Variants in NOL4L observed in about 807,000 individuals in gnomAD.
The protein encoded by NOL4L is nucleolar protein 4 like, also known as nucleolar protein 4-like.
NOL4L carries 7 observed loss-of-function variants against 64.5 expected under a neutral mutation model. The ratio of observed to expected loss-of-function variants is 0.11; its 90% CI spans 0.06 to 0.20. The LOEUF is 0.20. NOL4L is among the 10% of genes least tolerant of loss of function. The pLI is 1.00. For missense variants in NOL4L, 680 were observed against 967.1 expected (o/e 0.70, Z 3.94); for synonymous variants, 413 against 401.0 (o/e 1.03, Z -0.36).
intron 4 of NOL4L, among the ~76,000 whole-genome samples, chr20:32,504,955 C>T (rs1313128860): frequency 3.3e-5 from 5 of 152,214 alleles, no homozygotes; most frequent in African/African-American, 1.2e-4. Flanking sequence ...CAGCAGGAGA[C>T]AAGGCCATGT....
At chr20:32,556,275 G>T (rs6119264) in intron 1 of NOL4L, among the ~76,000 whole-genome samples, 30 of 23,336 alleles carry the variant, frequency 1.3e-3, no homozygotes, top group African/African-American at 3.6e-3. Flanking sequence ...TTTCCTTTGT[G>T]GGGGGGGGGG....
intron 3 of NOL4L, among the ~76,000 whole-genome samples, chr20:32,517,173 C>T (rs293569): frequency 0.14 from 20,804 of 152,146 alleles, 2,095 homozygotes; most frequent in African/African-American, 0.28. Context: ...GGGGAGAGAC[C>T]GCTGAGCAAA....
At chr20:32,571,982 T>G (rs955366695) in intron 1 of NOL4L, among the ~76,000 whole-genome samples, 19 of 152,220 alleles carry the variant, frequency 1.2e-4, no homozygotes, top group Non-Finnish European at 2.2e-4. Flanking sequence ...CAGACCCTGC[T>G]TGTGCCTAAT....
chr20:32,511,091 C>A (rs572342556), intron 4 of NOL4L: 35 of 358,486 alleles, frequency 9.8e-5, no homozygotes, highest in Admixed American at 3.8e-4. Flanking sequence ...CCTCCTCCCC[C>A]TCCTCCCACG....
chr20:32,500,211 G>GT (rs1486199679), intron 4 of NOL4L, among the ~76,000 whole-genome samples: 1 of 152,108 alleles, frequency 6.6e-6, no homozygotes, highest in Admixed American at 6.6e-5. Context: ...CCCAGATCTT[G>GT]TTTTTTTGTT....
intron 4 of NOL4L, among the ~76,000 whole-genome samples, chr20:32,476,889 G>T (rs2015430671): frequency 6.6e-6 from 1 of 152,264 alleles, no homozygotes; most frequent in African/African-American, 2.4e-5. Flanking sequence ...GAGAAGTGAG[G>T]AGGGGAGCCC....
intron 3 of NOL4L, among the ~76,000 whole-genome samples, chr20:32,516,831 C>G (rs1187799534): frequency 6.6e-6 from 1 of 152,222 alleles, no homozygotes; most frequent in African/African-American, 2.4e-5. Flanking sequence ...GGGTGGAGAC[C>G]CAAGTGGACA....
intron 4 of NOL4L, among the ~76,000 whole-genome samples, chr20:32,494,250 C>CG (rs57081206): frequency 2.3e-3 from 205 of 87,606 alleles, no homozygotes; most frequent in Non-Finnish European, 2.6e-3. Flanking sequence ...GAGATAATCT[C>CG]GGGAAAAAAA....
rs545791458 is a variant in NOL4L, at chr20:32,459,634, C to T, written c.842-3239G>A. ...TCATGACCTCAGGCGATCCGCCCGC[C>T]TCAGCCTCCCAAAGTGCTGGGATTA... is the stretch of plus-strand genomic sequence containing the variant. On this transcript the variant is annotated intron_variant, in intron 5 of 10. Coordinates refer to ENST00000621426, the MANE Select transcript of NOL4L (RefSeq NM_001256798.2). 7.2e-5 allele frequency among the ~76,000 whole-genome samples: 11 copies of T among 152,332 alleles called. No individual in the cohort carries two copies. The East Asian group carries it at 1.2e-3, about 16-fold the overall frequency.
chr20:32,543,813 T>C (rs921187488), intron 1 of NOL4L, among the ~76,000 whole-genome samples: 1 of 151,478 alleles, frequency 6.6e-6, no homozygotes, highest in Non-Finnish European at 1.5e-5. Flanking sequence ...AAAAAAAAGA[T>C]ACCAGGGTCA....
At chr20:32,546,075 G>A (rs554148585) in intron 1 of NOL4L, among the ~76,000 whole-genome samples, 10 of 144,778 alleles carry the variant, frequency 6.9e-5, no homozygotes, top group Non-Finnish European at 1.5e-4. Context: ...CAGCCTCCCA[G>A]TAGCTGGGAT....
intron 4 of NOL4L, among the ~76,000 whole-genome samples, chr20:32,501,110 A>G (rs1276474569): frequency 1.3e-5 from 2 of 152,204 alleles, no homozygotes; most frequent in Non-Finnish European, 2.9e-5. Flanking sequence ...TTGACAGGAG[A>G]GAAACCTGAC....
At chr20:32,539,124 C>T (rs944827227) in intron 1 of NOL4L, among the ~76,000 whole-genome samples, 2 of 152,168 alleles carry the variant, frequency 1.3e-5, no homozygotes, top group African/African-American at 2.4e-5. Context: ...TGGCTGGACC[C>T]TCTGGGTCCC....
intron 5 of NOL4L, among the ~76,000 whole-genome samples, chr20:32,456,741 G>A (rs926107225): frequency 2.0e-5 from 3 of 152,220 alleles, no homozygotes; most frequent in Non-Finnish European, 2.9e-5. Flanking sequence ...GGGCCCTGGA[G>A]GCCCTCGAAG....
At chr20:32,454,812 T>C (rs1394914187) in intron 6 of NOL4L, among the ~76,000 whole-genome samples, 1 of 152,208 alleles carries the variant, frequency 6.6e-6, no homozygotes, top group African/African-American at 2.4e-5. Context: ...GACCCTGTGA[T>C]GTGGCAGCAT....
chr20:32,447,177 G>T lies in NOL4L; in HGVS notation c.*419C>A. 2.2e-6 allele frequency: 1 copy of T among 460,554 alleles called. No homozygotes were observed. Among genetic ancestry groups the T allele is most frequent in the South Asian group, 1.6e-5 (1 of 64,086 alleles). 28.5% of individuals were successfully genotyped at this position (460,554 alleles called of 1,614,324 possible). On this transcript the variant is annotated 3_prime_UTR_variant, in exon 11 of 11. Coordinates refer to ENST00000621426, the MANE Select transcript of NOL4L (RefSeq NM_001256798.2). ...TTTCAGAAAAATAAATTACTAAGGGGAGAGGAAGAAAGGGTCCACTTTGCT... is the reference window on the plus strand; with the variant it reads ...TTTCAGAAAAATAAATTACTAAGGGTAGAGGAAGAAAGGGTCCACTTTGCT...
intron 6 of NOL4L, among the ~76,000 whole-genome samples, chr20:32,455,541 A>G (rs993963063): frequency 3.9e-5 from 6 of 152,088 alleles, no homozygotes; most frequent in African/African-American, 1.4e-4. Flanking sequence ...ACTACAGGAA[A>G]CCTTAGTGGC....
chr20:32,511,481 C>A, intron 3 of NOL4L, 25 bp from the exon 4 acceptor site: 1 of 1,492,870 alleles, frequency 6.7e-7, no homozygotes, highest in South Asian at 1.2e-5. Flanking sequence ...AAAAGGAAAG[C>A]CCTTTCAGTC....
intron 9 of NOL4L, 119 bp from the exon 10 acceptor site, chr20:32,452,556 G>C: frequency 1.0e-6 from 1 of 981,584 alleles, no homozygotes; most frequent in Non-Finnish European, 1.5e-6. Context: ...CAATGCTGCG[G>C]TTTGACCTGT....
Sources: allele counts gnomAD v4.1 joint callset (sites outside exome capture counted in the v4.1 genomes callset), GRCh38; gene constraint gnomAD v4.1.1; transcripts MANE v1.5; gene names NCBI Gene and HGNC (gene_info 2026-07-23, HGNC 2026-07-21).